HID1: variants seen among roughly 807,000 people sequenced by gnomAD.
The protein encoded by HID1 is protein HID1.
A neutral mutation model predicts 89.7 loss-of-function variants in HID1; 42 were observed. That is an observed-to-expected ratio of 0.47 (90% CI 0.37 to 0.61). The LOEUF is 0.61. Ranked by LOEUF, HID1 falls within the 20% of genes least tolerant of loss-of-function variation. HID1 has a pLI of 0.00. For missense variants in HID1, 854 were observed against 1,039.3 expected (o/e 0.82, Z 2.45); for synonymous variants, 442 against 433.8 (o/e 1.02, Z -0.24).
Position 74,951,218 on chromosome 17 carries a change from G to T in HID1, c.*352C>A. 3.1e-6 allele frequency: 1 copy of T among 324,672 alleles called. No homozygotes were observed. The highest frequency in any genetic ancestry group is 5.7e-6 in the Non-Finnish European group (1 of 175,546). 20.1% of individuals were successfully genotyped at this position (324,672 alleles called of 1,614,324 possible). ...CTGGTCAAACCCCTTAGGGCACAGT[G>T]ACCCATTGGCTTCTGCCTCTGGGGC... On this transcript the variant is annotated 3_prime_UTR_variant, in exon 19 of 19. Transcript: ENST00000425042.
At chr17:74,951,743 C>A in intron 18 of HID1, 110 bp from the exon 19 acceptor site, 2 of 1,369,520 alleles carry the variant, frequency 1.5e-6, no homozygotes, top group Admixed American at 2.1e-5. Context: ...TCCCGATGTC[C>A]CACCCTGGGC....
rs560606322 is a variant in HID1, at chr17:74,963,868, A to T, written c.259T>A (p.Ser87Thr). ...LVQGAESGCH[S>T]EKEKQIVLNC... ...AGGACGATCTGCTTCTCCTTCTCCG[A>T]GTGGCAGCCACTCTCAGCTCCCTGC... The change falls in exon 3 of 19, where the codon TCG (serine) becomes ACG (threonine). Residue 87 changes from serine (S) to threonine (T), a missense_variant. By Grantham distance (58) the Ser-to-Thr change is moderately conservative. Transcript: ENST00000425042. 41 of 1,612,910 alleles carry T rather than the reference A, an allele frequency of 2.5e-5. 1 individual carries two copies. The Middle Eastern group carries it at 5.0e-4, about 19-fold the overall frequency.
In HID1 at chr17:74,962,167, T is replaced by A. The variant is rs532784904; in HGVS notation, c.611+67A>T. 4.1e-5 allele frequency: 56 copies of A among 1,381,484 alleles called. No homozygotes were observed. The African/African-American group carries it at 6.6e-4, about 16-fold the overall frequency. 85.6% of individuals were successfully genotyped at this position (1,381,484 alleles called of 1,614,324 possible). A position where few individuals can be genotyped will look rare whatever the true frequency, so the allele number is the denominator to read the frequency against. ...TTCTGGGAAGACCCCATGGGCTTTC[T>A]GAGCTGTGCGGGGGCCCGGCCCGGG... is the stretch of plus-strand genomic sequence containing the variant. On this transcript the variant is annotated intron_variant, in intron 5 of 18. Coordinates refer to ENST00000425042, the MANE Select transcript of HID1 (RefSeq NM_030630.3). This position sits in a 1 kb window ranked among gnomAD's most constrained non-coding sequence, Gnocchi z 4.3.
rs185958727 is a variant in HID1, at chr17:74,958,553, G to C, written c.1241-75C>G. The C allele has an allele frequency of 1.3e-5, 21 of 1,581,068 alleles. No homozygotes were observed. The highest frequency in any genetic ancestry group is 1.7e-5 in the Non-Finnish European group (20 of 1,161,402). ...GGGCCCAGGCAGTGACCATTTTGGA[G>C]GCCTCCCTCCTAGGAGGTCAGAGTG... is the stretch of plus-strand genomic sequence containing the variant. On this transcript the variant is annotated intron_variant, in intron 10 of 18. Transcript: ENST00000425042. The surrounding 1 kb of genome is among the most constrained non-coding windows in gnomAD (Gnocchi z 5.2).
Position 74,958,322 on chromosome 17 carries a change from C to G in HID1, c.1392+5G>C. On this transcript the variant is annotated splice_donor_5th_base_variant and intron_variant, in intron 11 of 18. Coordinates refer to ENST00000425042, the MANE Select transcript of HID1 (RefSeq NM_030630.3). The surrounding 1 kb of genome is among the most constrained non-coding windows in gnomAD (Gnocchi z 5.2). Reference sequence around the variant, plus strand: ...TCCTGGGCCCGGCCGCACGAGCCCCCTCACCACAATGAGCAGGTCGGCGTG... The same window carrying G: ...TCCTGGGCCCGGCCGCACGAGCCCCGTCACCACAATGAGCAGGTCGGCGTG... 6.2e-7 allele frequency: 1 copy of G among 1,613,036 alleles called. No homozygotes were observed. The highest frequency in any genetic ancestry group is 8.5e-7 in the Non-Finnish European group (1 of 1,179,612).
At chr17:74,956,332 G>T (rs1308209912) in intron 12 of HID1, among the ~76,000 whole-genome samples, 1 of 152,200 alleles carries the variant, frequency 6.6e-6, no homozygotes, top group Non-Finnish European at 1.5e-5. Context: ...CCCCAGTAAT[G>T]AAATGATCGG....
rs764035824 is a variant in HID1 at position 74,954,192 on chromosome 17, G to A, written c.1810C>T (p.Pro604Ser). The A allele has an allele frequency of 5.0e-6, 8 of 1,603,164 alleles. No homozygotes were observed. The highest frequency in any genetic ancestry group is 1.7e-4 in the Middle Eastern group (1 of 6,044). The change falls in exon 14 of 19, where the codon CCC becomes TCC. Residue 604 changes from proline to serine, a missense_variant. Pro to Ser is a moderately conservative substitution (Grantham distance 74). Transcript: ENST00000425042. ...QEGTSMEGSR[P>S]AAPAEPGTLK... ...GTGCCTGGCTCTGCAGGGGCAGCGG[G>A]GCGGGAGCCCTCCATGGAGGTGCCC...
chr17:74,964,748 G>T, intron 1 of HID1, 116 bp from the exon 2 acceptor site: 1 of 1,103,242 alleles, frequency 9.1e-7, no homozygotes. Context: ...CCTACCTGCT[G>T]GGGTCCCAGA....
At position 74,952,358 on chromosome 17, in the gene HID1, G is replaced by A. The variant is rs779075161; in HGVS notation, c.2055C>T (p.Val685=). Residue 685 remains valine (V), a splice_region_variant and synonymous_variant, in exon 17 of 19, where the codon GTC becomes GTT. Coordinates refer to ENST00000425042, the MANE Select transcript of HID1 (RefSeq NM_030630.3). ...SGQWSPTPEW[V]LSWKSKLPLQ... The stretch of plus-strand genomic sequence containing the variant: ...GCGGCAGCTTCGACTTCCAGGAGAG[G>A]ACCTGGCGAGGGACGGGGTTCCTGG... The A allele has an allele frequency of 3.7e-6, 6 of 1,613,336 alleles. No homozygotes were observed. Among genetic ancestry groups the A allele is most frequent in the Non-Finnish European group, 5.1e-6 (6 of 1,179,580 alleles).
At position 74,958,565 on chromosome 17, in the gene HID1, A is replaced by T; in HGVS notation, c.1241-87T>A. ...TGACCATTTTGGAGGCCTCCCTCCT[A>T]GGAGGTCAGAGTGCCAGGCCTGAGC... On this transcript the variant is annotated intron_variant, in intron 10 of 18. Transcript: ENST00000425042. This position sits in a 1 kb window ranked among gnomAD's most constrained non-coding sequence, Gnocchi z 5.2. 6.3e-7 allele frequency: 1 copy of T among 1,583,826 alleles called. No homozygotes were observed. The highest frequency in any genetic ancestry group is 8.6e-7 in the Non-Finnish European group (1 of 1,160,006).
At chr17:74,965,792 C>T (rs1007115300) in intron 1 of HID1, among the ~76,000 whole-genome samples, 1 of 151,882 alleles carries the variant, frequency 6.6e-6, no homozygotes, top group African/African-American at 2.4e-5. Flanking sequence ...TGGCAGGCGC[C>T]TGTAATCCCA....
Position 74,954,127 on chromosome 17 carries a change from T to A in HID1, c.1864+11A>T. On this transcript the variant is annotated intron_variant, in intron 14 of 18. Transcript: ENST00000425042. ...GTATCCACACTCCTGTCCCATCCAC[T>A]AGCACCAGACCTGGAGTAGCCACCA... The A allele has an allele frequency of 8.8e-6, 14 of 1,584,146 alleles. No individual in the cohort carries two copies. The highest frequency in any genetic ancestry group is 1.2e-5 in the Non-Finnish European group (14 of 1,165,424).
intron 12 of HID1, 157 bp downstream of exon 12, chr17:74,957,984 C>T: frequency 3.2e-6 from 2 of 615,602 alleles, no homozygotes; most frequent in Non-Finnish European, 5.7e-6. Flanking sequence ...CAATTGTTGT[C>T]ACCCTTTTTT....
Position 74,963,896 on chromosome 17 carries a change from C to T in HID1, c.231G>A (p.Leu77=). The T allele has an allele frequency of 6.2e-7, 1 of 1,613,928 alleles. No homozygotes were observed. The highest frequency in any genetic ancestry group is 1.3e-5 in the African/African-American group (1 of 75,068). The stretch of plus-strand genomic sequence containing the variant: ...GGCAGCCACTCTCAGCTCCCTGCAC[C>T]AGCTTCTCAACGGCCTGTGGGGGCA... The part of the protein sequence containing the change: ...ATLCYKAVEK[L]VQGAESGCHS... Residue 77 remains leucine (L), a synonymous_variant, in exon 3 of 19, where the codon CTG becomes CTA. Transcript: ENST00000425042.
At position 74,953,055 on chromosome 17, in the gene HID1, C is replaced by T. The variant is rs1318493748; in HGVS notation, c.2003G>A (p.Arg668Gln). The T allele has an allele frequency of 2.5e-6, 4 of 1,608,198 alleles. No individual in the cohort carries two copies. Among genetic ancestry groups the T allele is most frequent in the East Asian group, 2.2e-5 (1 of 44,670 alleles). ...CCCACTGGCTGATGAGGTGGACGGT[C>T]GCCGCTGCTCCCTCCATGCCTGGCT... is the stretch of plus-strand genomic sequence containing the variant. Reference protein sequence around the residue: ...EPSQAWREQRRPSTSSASGQW... With the variant: ...EPSQAWREQRQPSTSSASGQW... The change falls in exon 16 of 19, where the codon CGA becomes CAA. Residue 668 changes from arginine to glutamine, a missense_variant. Transcript: ENST00000425042.
chr17:74,954,375 G>A lies in HID1; in HGVS notation c.1637-10C>T. The A allele has an allele frequency of 3.2e-6, 5 of 1,557,168 alleles. No individual in the cohort carries two copies. The East Asian group carries it at 1.2e-4, about 38-fold the overall frequency. ...ACCAGGTTGGAGTTGCCTGTGGGCAGGGAGCATGCCTCGCCTCAGGGAGGC... is the reference window on the plus strand; with the variant it reads ...ACCAGGTTGGAGTTGCCTGTGGGCAAGGAGCATGCCTCGCCTCAGGGAGGC... On this transcript the variant is annotated splice_polypyrimidine_tract_variant and intron_variant, in intron 13 of 18. Transcript: ENST00000425042.
chr17:74,961,864 GC>G lies in HID1; in HGVS notation c.728+8del, dbSNP rs1160410929. On this transcript the variant is annotated splice_region_variant and intron_variant, in intron 6 of 18. Coordinates refer to ENST00000425042, the MANE Select transcript of HID1 (RefSeq NM_030630.3). ...GGAAGAGAGCGCAGAAAGGCCAAGG[GC>G]CCTTCACCTGTTCTCCGTGGAACAA... The G allele has an allele frequency of 1.4e-6, 2 of 1,469,212 alleles. No individual in the cohort carries two copies. Among genetic ancestry groups the G allele is most frequent in the South Asian group, 1.3e-5 (1 of 78,734 alleles). 91.0% of individuals were successfully genotyped at this position (1,469,212 alleles called of 1,614,324 possible).
At chr17:74,953,888 G>A (rs1212362180) in intron 14 of HID1, among the ~76,000 whole-genome samples, 1 of 151,052 alleles carries the variant, frequency 6.6e-6, no homozygotes, top group Non-Finnish European at 1.5e-5. Flanking sequence ...AGCCCATCCA[G>A]TACCCTCCCC....
At chr17:74,963,522 T>C in intron 3 of HID1, 1 of 588,742 alleles carries the variant, frequency 1.7e-6, no homozygotes, top group Non-Finnish European at 3.0e-6. Context: ...CTCCATACCC[T>C]ACTTCCTCCA....
Sources: allele counts gnomAD v4.1 joint callset (sites outside exome capture counted in the v4.1 genomes callset), GRCh38; gene constraint gnomAD v4.1.1; non-coding constraint Gnocchi (gnomAD v3.1); transcripts MANE v1.5; gene names NCBI Gene and HGNC (gene_info 2026-07-23, HGNC 2026-07-21).